The following GFPT1 variants were observed in gnomAD, a reference collection of about 807,000 sequenced individuals.
GFPT1 encodes glutamine--fructose-6-phosphate transaminase 1.
Under a neutral mutation model 92.0 loss-of-function variants are expected in GFPT1, and 40 were observed. The observed-to-expected ratio is 0.43, with a 90% CI of 0.34 to 0.57. GFPT1 has a LOEUF of 0.57. Ranked by LOEUF, GFPT1 falls within the 20% of genes least tolerant of loss-of-function variation. The pLI is 0.02. For missense variants in GFPT1, 448 were observed against 869.1 expected, an observed-to-expected ratio of 0.52 and a Z score of 6.09; for synonymous variants, 269 against 280.6, an observed-to-expected ratio of 0.96 and a Z score of 0.41.
Position 69,356,498 on chromosome 2 carries a change from T to C in GFPT1, c.603A>G (p.Thr201=), listed in dbSNP as rs752050061. 13 of 1,607,362 alleles carry C rather than the reference T, an allele frequency of 8.1e-6. No individual in the cohort carries two copies. The East Asian group carries it at 2.7e-4, about 33-fold the overall frequency. Reference sequence around the variant, plus strand: ...GTCATTGTTAGAGTTATATGTACCTTGTGCCAACTGCTTGCCCGGGAAAAT... The same window carrying C: ...GTCATTGTTAGAGTTATATGTACCTCGTGCCAACTGCTTGCCCGGGAAAAT... ...SVHFPGQAVG[T]RRGSPLLIGV... Residue 201 remains threonine, a splice_region_variant and synonymous_variant, in exon 7 of 20, where the codon ACA becomes ACG. Transcript: ENST00000357308.
In GFPT1 at chr2:69,337,864, A is replaced by C. The variant is rs1226739913; in HGVS notation, c.1482+34T>G. 3 of 1,576,660 alleles carry C rather than the reference A, an allele frequency of 1.9e-6. No homozygotes were observed. The Admixed American group carries it at 5.0e-5, about 26-fold the overall frequency. On this transcript the variant is annotated intron_variant, in intron 15 of 19. Transcript: ENST00000357308. ...AGTCTGCTTCACTGACACTATGATT[A>C]AATAATCATCAGAGAAATGAGTCAA...
intron 1 of GFPT1, among the ~76,000 whole-genome samples, chr2:69,384,764 GAAGAAAGAAAGAAAAAGA>G (rs1363739221): frequency 1.4e-5 from 2 of 138,476 alleles, no homozygotes; most frequent in Non-Finnish European, 3.2e-5. Flanking sequence ...GAGAGAGAAA[GAAGAAAGAAAGAAAAAGA>G]AAGAAAGAAA....
intron 13 of GFPT1, among the ~76,000 whole-genome samples, chr2:69,338,831 C>T (rs370453020): frequency 7.8e-6 from 1 of 127,572 alleles, no homozygotes; most frequent in East Asian, 2.2e-4. Context: ...GACGGAGTCT[C>T]GCTCTGTCGC....
chr2:69,387,189 T>C lies in GFPT1; in HGVS notation c.-118A>G. The C allele has an allele frequency of 1.7e-6, 2 of 1,154,804 alleles. No individual in the cohort carries two copies. The highest frequency in any genetic ancestry group is 2.4e-6 in the Non-Finnish European group (2 of 845,514). The allele number at this position is 1,154,804 out of a possible 1,614,324, so 71.5% of individuals were successfully genotyped here. On this transcript the variant is annotated 5_prime_UTR_variant, in exon 1 of 20. Coordinates refer to ENST00000357308, the MANE Select transcript of GFPT1 (RefSeq NM_001244710.2). ...GGGGCCGGGGTGGCGCCGACACGAC[T>C]CCCTCGGGGATGCGACGGCCAAGGC...
chr2:69,375,929 A>G (rs747888583), intron 1 of GFPT1, among the ~76,000 whole-genome samples: 50 of 152,376 alleles, frequency 3.3e-4, no homozygotes, highest in African/African-American at 1.2e-3. Context: ...ATGGCTACTC[A>G]TGATATAAAC....
chr2:69,351,459 C>T (rs1671204680), intron 9 of GFPT1, among the ~76,000 whole-genome samples: 1 of 152,144 alleles, frequency 6.6e-6, no homozygotes, highest in African/African-American at 2.4e-5. Flanking sequence ...CTTATAAAAA[C>T]TGCTATTTCA....
In GFPT1 at chr2:69,374,121, TAAAC is replaced by T; in HGVS notation, c.8-12_8-9del. ...TTAAGTAAGCAAATATACCTGCAAA[TAAAC>T]AAATATTTAATGAAAAATTCTGATT... On this transcript the variant is annotated splice_polypyrimidine_tract_variant and intron_variant, in intron 1 of 19. Transcript: ENST00000357308. 8.5e-6 allele frequency: 11 copies of T among 1,295,878 alleles called. No individual in the cohort carries two copies. Among genetic ancestry groups the T allele is most frequent in the Non-Finnish European group, 1.1e-5 (10 of 894,866 alleles). 80.3% of individuals were successfully genotyped at this position (1,295,878 alleles called of 1,614,324 possible).
intron 3 of GFPT1, 41 bp from the exon 4 acceptor site, chr2:69,363,711 C>T (rs770284101): frequency 1.1e-5 from 16 of 1,399,084 alleles, no homozygotes; most frequent in Non-Finnish European, 1.5e-5. Flanking sequence ...TTAAATCATG[C>T]TGCAGAGATA....
chr2:69,329,945 T>C (rs545891333), intron 15 of GFPT1, 147 bp from the exon 16 acceptor site: 18 of 689,026 alleles, frequency 2.6e-5, no homozygotes, highest in African/African-American at 1.6e-4. Context: ...GGGCCAAGCA[T>C]GGTGGCTCAT....
At chr2:69,341,901 C>T (rs1053815377) in intron 13 of GFPT1, among the ~76,000 whole-genome samples, 2 of 152,148 alleles carry the variant, frequency 1.3e-5, no homozygotes, top group African/African-American at 2.4e-5. Context: ...AACTCTCCCC[C>T]TCTTGGCCTT....
chr2:69,367,843 T>C (rs1021388025), intron 3 of GFPT1, among the ~76,000 whole-genome samples: 2 of 152,226 alleles, frequency 1.3e-5, no homozygotes, highest in African/African-American at 4.8e-5. Flanking sequence ...ATGGCCAGAT[T>C]GCTCTTTAAA....
Position 69,377,928 on chromosome 2 carries a change from A to T in GFPT1, c.8-3815T>A, listed in dbSNP as rs186736723. Among the ~76,000 whole-genome samples, 720 of 152,362 alleles carry T rather than the reference A, an allele frequency of 4.7e-3. 9 individuals carry two copies. The highest frequency in any genetic ancestry group is 0.012 in the Admixed American group (179 of 15,306). On this transcript the variant is annotated intron_variant, in intron 1 of 19. Coordinates refer to ENST00000357308, the MANE Select transcript of GFPT1 (RefSeq NM_001244710.2). ...CACAAGGGAGGCATTCACAACTCAC[A>T]ATGATGCTTGTTAGAGCAGAAATCG...
chr2:69,340,852 G>A (rs4592895), intron 13 of GFPT1, among the ~76,000 whole-genome samples: 100,025 of 152,066 alleles, frequency 0.66, 34,345 homozygotes, highest in African/African-American at 0.87. Flanking sequence ...TTGTCTTAGC[G>A]TTAGATGAAG....
intron 1 of GFPT1, among the ~76,000 whole-genome samples, chr2:69,381,040 C>T (rs998755871): frequency 4.6e-5 from 7 of 151,804 alleles, no homozygotes; most frequent in African/African-American, 1.2e-4. Context: ...AGGGCAGTGG[C>T]GCTATCTCAG....
At chr2:69,343,539 T>C (rs1671007224) in intron 12 of GFPT1, among the ~76,000 whole-genome samples, 1 of 151,994 alleles carries the variant, frequency 6.6e-6, no homozygotes. Context: ...GCCTCCTTAG[T>C]AGCTGGGATT....
intron 9 of GFPT1, among the ~76,000 whole-genome samples, chr2:69,353,496 T>A (rs1283761821): frequency 6.6e-6 from 1 of 152,178 alleles, no homozygotes; most frequent in Non-Finnish European, 1.5e-5. Context: ...ACGAAACCAC[T>A]GCACTCCAGC....
chr2:69,377,513 A>T (rs1463907078), intron 1 of GFPT1, among the ~76,000 whole-genome samples: 1 of 148,142 alleles, frequency 6.8e-6, no homozygotes, highest in African/African-American at 2.5e-5. Context: ...AAAAAAAAAT[A>T]GCCAGCTGTG....
intron 15 of GFPT1, among the ~76,000 whole-genome samples, chr2:69,337,395 C>T (rs1670827498): frequency 6.6e-6 from 1 of 152,126 alleles, no homozygotes; most frequent in South Asian, 2.1e-4. Flanking sequence ...AGGTGTATTC[C>T]TCCTTACAAA....
intron 16 of GFPT1, 117 bp from the exon 17 acceptor site, chr2:69,329,541 G>A: frequency 1.0e-6 from 1 of 964,988 alleles, no homozygotes; most frequent in South Asian, 1.4e-5. Context: ...AATCAGTATG[G>A]GTATTTTTTT....
Sources: allele counts gnomAD v4.1 joint callset (sites outside exome capture counted in the v4.1 genomes callset), GRCh38; gene constraint gnomAD v4.1.1; transcripts MANE v1.5; gene names NCBI Gene and HGNC (gene_info 2026-07-23, HGNC 2026-07-21).